The following ECPAS variants were observed in gnomAD, a reference collection of about 807,000 sequenced individuals.
ECPAS encodes Ecm29 proteasome adaptor and scaffold.
ECPAS carries 70 observed loss-of-function variants against 255.1 expected under a neutral mutation model. The ratio of observed to expected loss-of-function variants is 0.27; its 90% confidence interval spans 0.23 to 0.33. The LOEUF (loss-of-function observed/expected upper bound fraction) is 0.33. Ranked by LOEUF, ECPAS falls within the 10% of genes least tolerant of loss-of-function variation. The pLI is 1.00. For synonymous variants in ECPAS, 784 were observed against 775.0 expected, an observed-to-expected ratio of 1.01 and a Z score of -0.19; for missense variants, 1,817 against 2,206.4, an observed-to-expected ratio of 0.82 and a Z score of 3.54.
At chr9:111,441,527 A>G (rs903393269) in intron 5 of ECPAS, among the ~76,000 whole-genome samples, 2 of 152,136 alleles carry the variant, frequency 1.3e-5, no homozygotes, top group African/African-American at 4.8e-5. Context: ...TATTTTCCAC[A>G]ACTAAAGTTA....
At chr9:111,466,512 G>C (rs1264438940) in intron 2 of ECPAS, among the ~76,000 whole-genome samples, 1 of 151,874 alleles carries the variant, frequency 6.6e-6, no homozygotes, top group Admixed American at 6.6e-5. Flanking sequence ...AAAACCCTGA[G>C]AATCTTAAAA....
chr9:111,453,572 T>C (rs2098263162), intron 2 of ECPAS, among the ~76,000 whole-genome samples: 1 of 152,090 alleles, frequency 6.6e-6, no homozygotes, highest in Non-Finnish European at 1.5e-5. Context: ...TTCTTTAGAA[T>C]ACAAAAAGGG....
At chr9:111,426,907 C>T (rs902020889) in intron 10 of ECPAS, among the ~76,000 whole-genome samples, 1 of 152,014 alleles carries the variant, frequency 6.6e-6, no homozygotes, top group Admixed American at 6.6e-5. Context: ...GAGGCAGAGG[C>T]TGCAGTAAGC....
rs776160507 is a variant in ECPAS at position 111,394,288 on chromosome 9, C to T, written c.2794G>A (p.Val932Met). The T allele has an allele frequency of 5.2e-6, 8 of 1,543,470 alleles. No homozygotes were observed. Among genetic ancestry groups the T allele is most frequent in the Non-Finnish European group, 7.0e-6 (8 of 1,143,396 alleles). ...ATCACATCCAACACCCATGGAACCACATCATTCACTTTGGCTCCTGGGGAA... is the reference window on the plus strand; with the variant it reads ...ATCACATCCAACACCCATGGAACCATATCATTCACTTTGGCTCCTGGGGAA... ...TPPAGAKVND[V>M]VPWVLDVILN... The change falls in exon 26 of 50, where the codon GTG becomes ATG. Residue 932 changes from valine (V) to methionine (M), a missense_variant. This residue lies in a region of ECPAS where 960 missense variants were observed against 1,179.0 expected (regional missense o/e 0.81). Transcript: ENST00000684092.
Position 111,469,995 on chromosome 9 carries a change from T to A in ECPAS, c.22+2902A>T, listed in dbSNP as rs72615092. On this transcript the variant is annotated intron_variant, in intron 2 of 49. Coordinates refer to ENST00000684092, the MANE Select transcript of ECPAS (RefSeq NM_001364929.1). ...ATATAAGTTGGGAGTGGGGAGAAGA[T>A]CCATTACCAGAAAGAGACAATCCAT... Among the ~76,000 whole-genome samples, 518 of 152,022 alleles carry A rather than the reference T, an allele frequency of 3.4e-3. 27 individuals are homozygous for A. In the East Asian group the frequency reaches 0.087, roughly 26 times the overall value.
rs1331144553 is a variant in ECPAS, at chr9:111,433,240, T to C, written c.841A>G (p.Lys281Glu). The change falls in exon 8 of 50, where the codon AAA (lysine) becomes GAA (glutamate). Residue 281 changes from lysine to glutamate, a missense_variant. Coordinates refer to ENST00000684092, the MANE Select transcript of ECPAS (RefSeq NM_001364929.1). ...ATAADLELKSKQSLIDWNNPA... is the reference protein window; with the variant it reads ...ATAADLELKSEQSLIDWNNPA... ...TTACAGGGAAGTAGTTACCTCTGTT[T>C]GCTTTTCAATTCCAGGTCTGCTGCC... The C allele has an allele frequency of 6.2e-7, 1 of 1,613,794 alleles. No homozygotes were observed. Among genetic ancestry groups the C allele is most frequent in the Non-Finnish European group, 8.5e-7 (1 of 1,179,766 alleles).
At chr9:111,362,373 G>A (rs2098114650) in intron 49 of ECPAS, among the ~76,000 whole-genome samples, 1 of 151,934 alleles carries the variant, frequency 6.6e-6, no homozygotes. Context: ...CCTAATTCTT[G>A]ACAGTAGCGT....
At chr9:111,433,637 C>T (rs2098233389) in intron 7 of ECPAS, among the ~76,000 whole-genome samples, 2 of 152,170 alleles carry the variant, frequency 1.3e-5, no homozygotes, top group South Asian at 4.1e-4. Context: ...GATTAAGACA[C>T]TGGTAAACGA....
At chr9:111,450,230 A>G (rs2098258533) in intron 3 of ECPAS, among the ~76,000 whole-genome samples, 1 of 152,140 alleles carries the variant, frequency 6.6e-6, no homozygotes, top group African/African-American at 2.4e-5. Context: ...ACAGAAATCA[A>G]CTCACGAAGG....
chr9:111,476,977 T>C (rs2098296980), intron 1 of ECPAS, among the ~76,000 whole-genome samples: 1 of 152,004 alleles, frequency 6.6e-6, no homozygotes, highest in South Asian at 2.1e-4. Context: ...TAATTTTGTA[T>C]TTTTAGTAGA....
At chr9:111,472,480 A>C (rs1016474408) in intron 2 of ECPAS, among the ~76,000 whole-genome samples, 2 of 151,996 alleles carry the variant, frequency 1.3e-5, no homozygotes, top group African/African-American at 4.8e-5. Flanking sequence ...TCTACTAAAA[A>C]TATAAAAATT....
At chr9:111,440,236 G>T in intron 6 of ECPAS, 136 bp downstream of exon 6, 2 of 768,170 alleles carry the variant, frequency 2.6e-6, no homozygotes, top group Non-Finnish European at 3.9e-6. Context: ...AAGTTTAGAA[G>T]AAAAAAATCT....
intron 25 of ECPAS, among the ~76,000 whole-genome samples, chr9:111,394,747 A>G (rs2098165205): frequency 1.3e-5 from 2 of 152,168 alleles, no homozygotes; most frequent in South Asian, 4.1e-4. Context: ...AAGCTGTGCT[A>G]TACACTGCAG....
intron 2 of ECPAS, among the ~76,000 whole-genome samples, chr9:111,463,694 T>C (rs1292644958): frequency 6.6e-6 from 1 of 151,848 alleles, no homozygotes; most frequent in African/African-American, 2.4e-5. Context: ...TGGGAATACA[T>C]GAAAACTTGA....
chr9:111,439,695 T>G (rs1033737141), intron 6 of ECPAS, among the ~76,000 whole-genome samples: 4 of 152,130 alleles, frequency 2.6e-5, no homozygotes, highest in Non-Finnish European at 5.9e-5. Context: ...GTGCATGAAA[T>G]GCATGAGTGT....
At chr9:111,393,834 C>A in intron 26 of ECPAS, 100 bp from the exon 27 acceptor site, 1 of 896,020 alleles carries the variant, frequency 1.1e-6, no homozygotes. Flanking sequence ...TCTTATTATC[C>A]AAGCCAGTTA....
Position 111,410,025 on chromosome 9 carries a change from T to G in ECPAS, c.2550+16A>C. The G allele has an allele frequency of 1.3e-6, 2 of 1,540,398 alleles. No individual in the cohort carries two copies. The highest frequency in any genetic ancestry group is 2.4e-5 in the South Asian group (2 of 83,118). ...GACCGAATTCCAGAAAGGGAAAAAA[T>G]AAGAAAAAAACTTACCTTATTTGTT... On this transcript the variant is annotated intron_variant, in intron 23 of 49. Transcript: ENST00000684092.
intron 39 of ECPAS, 114 bp downstream of exon 39, chr9:111,373,858 A>C: frequency 1.3e-6 from 1 of 753,084 alleles, no homozygotes; most frequent in Non-Finnish European, 2.3e-6. Context: ...AGGGGAGAAA[A>C]GGCACACAGC....
intron 36 of ECPAS, among the ~76,000 whole-genome samples, chr9:111,377,855 ACT>A (rs1340407458): frequency 1.3e-5 from 2 of 151,952 alleles, no homozygotes; most frequent in Admixed American, 6.6e-5. Context: ...TTAAAAAATG[ACT>A]CTGATCAGGC....
Sources: gnomAD v4.1 joint callset for allele counts (sites outside exome capture counted in the v4.1 genomes callset) on GRCh38, gnomAD v4.1.1 for gene constraint, gnomAD v4.1.1 regional missense constraint, MANE v1.5 for transcripts, NCBI Gene and HGNC (gene_info 2026-07-23, HGNC 2026-07-21) for gene names.